CLNK: variants seen among roughly 807,000 people sequenced by gnomAD.
CLNK encodes cytokine dependent hematopoietic cell linker.
In CLNK, 74 loss-of-function variants were observed where a neutral mutation model predicts 68.6. The observed-to-expected ratio is 1.08, with a 90% CI of 0.89 to 1.31. CLNK has a LOEUF of 1.31. Ranked by LOEUF, CLNK falls within the 50% of genes most tolerant of loss-of-function variation. The pLI is 0.00. For missense variants in CLNK, 553 were observed against 515.3 expected, an observed-to-expected ratio of 1.07 and a Z score of -0.71; for synonymous variants, 198 against 172.2, an observed-to-expected ratio of 1.15 and a Z score of -1.17.
At chr4:10,589,947 C>T (rs1017539518) in intron 3 of CLNK, among the ~76,000 whole-genome samples, 3 of 152,234 alleles carry the variant, frequency 2.0e-5, no homozygotes, top group Non-Finnish European at 4.4e-5. Flanking sequence ...AACATGGCCA[C>T]GTGCAAGCGG....
At chr4:10,648,799 A>G (rs2108880697) in intron 2 of CLNK, among the ~76,000 whole-genome samples, 1 of 152,292 alleles carries the variant, frequency 6.6e-6, no homozygotes, top group East Asian at 1.9e-4. Flanking sequence ...GCTCAGTACT[A>G]ATAAAATTCT....
chr4:10,585,915 C>A (rs1720948794), intron 3 of CLNK, among the ~76,000 whole-genome samples: 1 of 152,128 alleles, frequency 6.6e-6, no homozygotes, highest in South Asian at 2.1e-4. Context: ...CATCAGGGAC[C>A]AGTTTCCTGG....
At chr4:10,610,033 GTTTTTTTTTTTTTTTTTTTTTT>G (rs71181047) in intron 2 of CLNK, among the ~76,000 whole-genome samples, 17 of 73,450 alleles carry the variant, frequency 2.3e-4, no homozygotes, top group African/African-American at 9.7e-4. Flanking sequence ...ATGAATGCTC[GTTTTTTTTTTTTTTTTTTTTTT>G]TTTTTTTTTT....
chr4:10,592,000 C>T (rs1403209103), intron 3 of CLNK, among the ~76,000 whole-genome samples: 1 of 152,234 alleles, frequency 6.6e-6, no homozygotes, highest in East Asian at 1.9e-4. Flanking sequence ...AGCTCATACA[C>T]CCAAGACCCT....
chr4:10,589,166 T>C (rs1721091198), intron 3 of CLNK, among the ~76,000 whole-genome samples: 1 of 152,254 alleles, frequency 6.6e-6, no homozygotes, highest in South Asian at 2.1e-4. Context: ...GATGGGTACA[T>C]TGAAGGCATA....
intron 5 of CLNK, among the ~76,000 whole-genome samples, chr4:10,570,891 A>G (rs568512612): frequency 6.8e-4 from 103 of 152,324 alleles, no homozygotes; most frequent in African/African-American, 2.3e-3. Context: ...TTACTTTTGT[A>G]TTACTGAATA....
chr4:10,553,325 A>T (rs1042154882), intron 8 of CLNK, among the ~76,000 whole-genome samples: 2 of 152,352 alleles, frequency 1.3e-5, no homozygotes, highest in East Asian at 3.9e-4. Flanking sequence ...GCTCCGTGCC[A>T]TATCCCCCTC....
chr4:10,697,227 C>CAA, the CLNK span: 1 of 152,192 alleles, frequency 6.6e-6, no homozygotes, highest in Admixed American at 6.5e-5. Flanking sequence ...TTCAAGGCAG[C>CAA]AATCTCACTG....
chr4:10,658,448 T>C (rs1724065743), intron 2 of CLNK, among the ~76,000 whole-genome samples: 1 of 152,228 alleles, frequency 6.6e-6, no homozygotes, highest in South Asian at 2.1e-4. Flanking sequence ...GGTTTGTTTT[T>C]ATCTCTCCTG....
chr4:10,491,115 A>G (rs1336766034), intron 18 of CLNK, among the ~76,000 whole-genome samples: 7 of 152,186 alleles, frequency 4.6e-5, no homozygotes, highest in African/African-American at 1.7e-4. Flanking sequence ...GAGTGATAAG[A>G]ATGATAACAA....
intron 2 of CLNK, among the ~76,000 whole-genome samples, chr4:10,635,195 T>C (rs1723033893): frequency 6.6e-6 from 1 of 152,238 alleles, no homozygotes; most frequent in Non-Finnish European, 1.5e-5. Flanking sequence ...AGCTTTCTGC[T>C]TTTCCTGAGT....
chr4:10,704,017 ATTAT>A, the CLNK span, among the ~76,000 whole-genome samples: 1 of 152,328 alleles, frequency 6.6e-6, no homozygotes. Context: ...ATAGTACAAT[ATTAT>A]TTGAGAGTGT....
At chr4:10,681,452 G>A (rs1725088769) in intron 1 of CLNK, among the ~76,000 whole-genome samples, 1 of 152,162 alleles carries the variant, frequency 6.6e-6, no homozygotes, top group East Asian at 1.9e-4. Flanking sequence ...ACCTACCACT[G>A]TTAAAGATTA....
chr4:10,561,527 G>A (rs553863884), intron 7 of CLNK, among the ~76,000 whole-genome samples: 1 of 152,288 alleles, frequency 6.6e-6, no homozygotes, highest in South Asian at 2.1e-4. Context: ...TATGTGAAAA[G>A]GGATTGCCAG....
the CLNK span, among the ~76,000 whole-genome samples, chr4:10,695,368 G>T: frequency 7.2e-5 from 11 of 151,994 alleles, no homozygotes; most frequent in African/African-American, 2.7e-4. Flanking sequence ...ATTATTATTT[G>T]TCAACTAAAA....
At chr4:10,723,624 C>A in the CLNK span, among the ~76,000 whole-genome samples, 1 of 152,068 alleles carries the variant, frequency 6.6e-6, no homozygotes, top group South Asian at 2.1e-4. Flanking sequence ...GCGTTTCTAT[C>A]CACTTCTTTG....
intron 2 of CLNK, among the ~76,000 whole-genome samples, chr4:10,651,751 A>C (rs1723746357): frequency 6.6e-6 from 1 of 152,236 alleles, no homozygotes; most frequent in Non-Finnish European, 1.5e-5. Context: ...CAGCAGTAGC[A>C]TATAAATTGT....
intron 2 of CLNK, among the ~76,000 whole-genome samples, chr4:10,635,569 GAGTATCA>G (rs1723051193): frequency 6.6e-6 from 1 of 152,198 alleles, no homozygotes; most frequent in African/African-American, 2.4e-5. Flanking sequence ...TGATACTGCA[GAGTATCA>G]GCAAAAAAAT....
chr4:10,563,909 A>AAAAAG lies in CLNK; in HGVS notation c.399+757_399+761dup, dbSNP rs371882909. Among the ~76,000 whole-genome samples, 1,456 of 152,144 alleles carry AAAAAG rather than the reference A, an allele frequency of 9.6e-3. 33 individuals are homozygous for AAAAAG. Among genetic ancestry groups the AAAAAG allele is most frequent in the African/African-American group, 0.033 (1,366 of 41,444 alleles). On this transcript the variant is annotated intron_variant, in intron 7 of 18. Transcript: ENST00000226951. ...GCAACAGAGCAAAACTCCATCTCAAAAAAAGAAAAGAAAAGAAAAGAAAAT... is the reference window on the plus strand; with the variant it reads ...GCAACAGAGCAAAACTCCATCTCAAAAAAAGAAAAGAAAAGAAAAGAAAAGAAAAT...
Sources: allele counts gnomAD v4.1 joint callset (sites outside exome capture counted in the v4.1 genomes callset), GRCh38; gene constraint gnomAD v4.1.1; transcripts MANE v1.5; gene names NCBI Gene and HGNC (gene_info 2026-07-23, HGNC 2026-07-21).